The following GET4 variants were observed in gnomAD, a reference collection of about 807,000 sequenced individuals.
GET4 encodes the protein guided entry of tail-anchored proteins factor 4.
A neutral mutation model predicts 40.0 loss-of-function variants in GET4; 20 were observed. That is an observed-to-expected ratio of 0.50 (90% confidence interval 0.35 to 0.73). The LOEUF is 0.73. Among genes scored for constraint, GET4 ranks in the 30% least tolerant of loss-of-function variants. The pLI, the probability that GET4 is intolerant of heterozygous loss-of-function variation, is 0.01. For missense variants in GET4, 557 were observed against 454.0 expected, an observed-to-expected ratio of 1.23 and a Z score of -2.06; for synonymous variants, 280 against 194.6, an observed-to-expected ratio of 1.44 and a Z score of -3.65.
In GET4 at chr7:892,336, A is replaced by C; in HGVS notation, c.664A>C (p.Lys222Gln). ...GGTGGTCTTCACGACGTACACCCAG[A>C]AGCACCCGTCCATCGAGGACGGGCC... The part of the protein sequence containing the change: ...ASVVFTTYTQ[K>Q]HPSIEDGPPF... The change falls in exon 6 of 9, where the codon AAG becomes CAG. Residue 222 changes from lysine to glutamine, a missense_variant. Transcript: ENST00000265857. The C allele has an allele frequency of 6.3e-7, 1 of 1,596,626 alleles. No homozygotes were observed. The highest frequency in any genetic ancestry group is 8.6e-7 in the Non-Finnish European group (1 of 1,165,256).
intron 1 of GET4, 33 bp downstream of exon 1, chr7:876,833 G>C: frequency 9.1e-7 from 1 of 1,100,612 alleles, no homozygotes; most frequent in Non-Finnish European, 1.1e-6. Context: ...GCAGCCCAGC[G>C]CCCGCCCCCG....
intron 4 of GET4, among the ~76,000 whole-genome samples, 177 bp from the exon 5 acceptor site, chr7:890,751 C>T (rs1048029367): frequency 2.0e-5 from 3 of 152,052 alleles, no homozygotes; most frequent in Admixed American, 1.3e-4. Context: ...TTTGGTGCTG[C>T]GTGTGAGGCC....
chr7:894,632 C>T (rs1844429783), intron 8 of GET4, among the ~76,000 whole-genome samples: 1 of 152,200 alleles, frequency 6.6e-6, no homozygotes, highest in African/African-American at 2.4e-5. Flanking sequence ...CGCCCTGACT[C>T]TTCTGACTCT....
chr7:878,129 C>T, intron 1 of GET4: 1 of 373,414 alleles, frequency 2.7e-6, no homozygotes, highest in Non-Finnish European at 5.6e-6. Context: ...GACCTAGGCT[C>T]GGTGACACCT....
rs1332047350 is a variant in GET4 at position 892,421 on chromosome 7, G to T, written c.746+3G>T. 1 of 1,585,836 alleles carries T rather than the reference G, an allele frequency of 6.3e-7. No individual in the cohort carries two copies. The highest frequency in any genetic ancestry group is 1.3e-5 in the African/African-American group (1 of 74,486). The stretch of plus-strand genomic sequence containing the variant: ...TTCCTGCTGCTGGCTGTGGACGGGT[G>T]CGTCTTGGGATCCTGCAGGGGGAGG... On this transcript the variant is annotated splice_donor_region_variant and intron_variant, in intron 6 of 8. Transcript: ENST00000265857.
In GET4 at chr7:893,663, G is replaced by A. The variant is rs370619410; in HGVS notation, c.747-77G>A. 1.1e-4 allele frequency: 99 copies of A among 911,060 alleles called. 2 individuals are homozygous for A. Among genetic ancestry groups the A allele is most frequent in the African/African-American group, 4.1e-4 (25 of 61,676 alleles). The allele number at this position is 911,060 out of a possible 1,614,324, so 56.4% of individuals were successfully genotyped here. On this transcript the variant is annotated intron_variant, in intron 6 of 8. Transcript: ENST00000265857. Reference sequence around the variant, plus strand: ...TGGTGTGTGCAGGTGAGTGTTGGGCGCAGGCGCGGTGGTTTGTGCAGGTGA... The same window carrying A: ...TGGTGTGTGCAGGTGAGTGTTGGGCACAGGCGCGGTGGTTTGTGCAGGTGA...
At chr7:893,562 G>C (rs1844390881) in intron 6 of GET4, among the ~76,000 whole-genome samples, 178 bp from the exon 7 acceptor site, 1 of 131,906 alleles carries the variant, frequency 7.6e-6, no homozygotes, top group Admixed American at 8.2e-5. Flanking sequence ...TGAGTGTTGG[G>C]CGTAGGCGTG....
At chr7:883,569 G>A (rs1283302948) in intron 1 of GET4, 16 of 984,582 alleles carry the variant, frequency 1.6e-5, no homozygotes, top group Non-Finnish European at 1.8e-5. Context: ...GAGCACCAGC[G>A]CTCACTGGCT....
chr7:877,050 C>A (rs1251683065), intron 1 of GET4, among the ~76,000 whole-genome samples: 1 of 151,668 alleles, frequency 6.6e-6, no homozygotes, highest in Non-Finnish European at 1.5e-5. Context: ...CTCCTGCGTT[C>A]CTCCTCGGCC....
intron 4 of GET4, among the ~76,000 whole-genome samples, chr7:888,290 T>C (rs11509872): frequency 0.02 from 3,055 of 152,248 alleles, 73 homozygotes; most frequent in East Asian, 0.14. Flanking sequence ...CTAGACACAG[T>C]GTGGCGCGGG....
intron 1 of GET4, chr7:883,578 C>G (rs1024214902): frequency 1.0e-6 from 1 of 985,248 alleles, no homozygotes; most frequent in Non-Finnish European, 1.2e-6. Flanking sequence ...CGCTCACTGG[C>G]TCTCAGCGCC....
intron 6 of GET4, 26 bp from the exon 7 acceptor site, chr7:893,714 C>T (rs759411039): frequency 9.2e-6 from 14 of 1,516,596 alleles, no homozygotes; most frequent in Non-Finnish European, 1.3e-5. Context: ...GCTCACCCAG[C>T]ACATCCCTGT....
chr7:894,677 A>G (rs1399363746), intron 8 of GET4, among the ~76,000 whole-genome samples: 1 of 152,216 alleles, frequency 6.6e-6, no homozygotes, highest in African/African-American at 2.4e-5. Context: ...CCCGTTCCAC[A>G]GAAGCGCCGT....
intron 4 of GET4, 49 bp from the exon 5 acceptor site, chr7:890,879 G>A (rs371276247): frequency 3.0e-5 from 43 of 1,424,896 alleles, no homozygotes; most frequent in African/African-American, 4.2e-5. Flanking sequence ...TTCCTTTTCT[G>A]TGTTATATTC....
intron 1 of GET4, chr7:883,599 C>G: frequency 2.0e-6 from 2 of 985,406 alleles, no homozygotes; most frequent in Non-Finnish European, 2.4e-6. Context: ...TGTCAGCAGG[C>G]AGAAGCCATT....
intron 1 of GET4, chr7:884,453 C>G: frequency 1.0e-6 from 1 of 983,394 alleles, no homozygotes; most frequent in South Asian, 1.5e-5. Flanking sequence ...GGAGGCCTGC[C>G]AACGGCCTGC....
chr7:895,464 G>A lies in GET4; in HGVS notation c.*42G>A, dbSNP rs753215251. 10 of 1,067,744 alleles carry A rather than the reference G, an allele frequency of 9.4e-6. No homozygotes were observed. The highest frequency in any genetic ancestry group is 1.4e-5 in the Non-Finnish European group (10 of 696,528). 66.1% of individuals were successfully genotyped at this position (1,067,744 alleles called of 1,614,324 possible). ...GGAGACACCACGGTCGACGACGGCT[G>A]GAGGGACGTTTCAGAGGCGAGTCCT... is the stretch of plus-strand genomic sequence containing the variant. On this transcript the variant is annotated 3_prime_UTR_variant, in exon 9 of 9. Coordinates refer to ENST00000265857, the MANE Select transcript of GET4 (RefSeq NM_015949.3).
intron 6 of GET4, 41 bp downstream of exon 6, chr7:892,459 T>C (rs1016924063): frequency 3.6e-5 from 57 of 1,576,890 alleles, no homozygotes; most frequent in Non-Finnish European, 4.3e-5. Flanking sequence ...GCTGTGAATG[T>C]GCGGGTTGTG....
intron 1 of GET4, among the ~76,000 whole-genome samples, chr7:878,574 CT>C (rs1261640394): frequency 0.015 from 1,892 of 130,398 alleles, 28 homozygotes; most frequent in African/African-American, 0.043. Context: ...TTTTAATAAA[CT>C]TTTTTTTTTT....
Sources: allele counts gnomAD v4.1 joint callset (sites outside exome capture counted in the v4.1 genomes callset), GRCh38; gene constraint gnomAD v4.1.1; transcripts MANE v1.5; gene names NCBI Gene and HGNC (gene_info 2026-07-23, HGNC 2026-07-21).